FGF14: variants seen among roughly 807,000 people sequenced by gnomAD.
FGF14 encodes fibroblast growth factor 14.
A neutral mutation model predicts 25.5 loss-of-function variants in FGF14; 5 were observed. The ratio of observed to expected loss-of-function variants is 0.20; its 90% CI spans 0.10 to 0.41. The LOEUF (loss-of-function observed/expected upper bound fraction) is 0.41. Ranked by LOEUF, FGF14 falls within the 10% of genes least tolerant of loss-of-function variation. The probability of loss-of-function intolerance (pLI) is 1.00; values close to 1 mark genes in which losing one functional copy is unlikely to be tolerated. For missense variants in FGF14, 222 were observed against 320.1 expected, an observed-to-expected ratio of 0.69 and a Z score of 2.34; for synonymous variants, 138 against 118.3, an observed-to-expected ratio of 1.17 and a Z score of -1.08.
intron 1 of FGF14, among the ~76,000 whole-genome samples, chr13:102,016,288 T>C (rs868342362): frequency 1.3e-5 from 2 of 152,280 alleles, no homozygotes; most frequent in Middle Eastern, 3.4e-3. Context: ...ATATGTATTA[T>C]AAATTTTAAC....
chr13:101,804,280 G>T (rs1253128946), intron 3 of FGF14, among the ~76,000 whole-genome samples: 1 of 152,150 alleles, frequency 6.6e-6, no homozygotes, highest in East Asian at 1.9e-4. Context: ...GTGGGTCCCA[G>T]AGTAGATAGA....
At chr13:102,295,783 A>C (rs1594763562) in intron 1 of FGF14, among the ~76,000 whole-genome samples, 1 of 152,158 alleles carries the variant, frequency 6.6e-6, no homozygotes, top group African/African-American at 2.4e-5. Context: ...GGCAGCGACC[A>C]AGAAAATGAC....
At chr13:101,804,157 G>T (rs2041063886) in intron 3 of FGF14, among the ~76,000 whole-genome samples, 1 of 152,164 alleles carries the variant, frequency 6.6e-6, no homozygotes. Flanking sequence ...TTCAAAGTTA[G>T]ATGCGATGAG....
At chr13:102,080,755 G>A (rs930592925) in intron 1 of FGF14, among the ~76,000 whole-genome samples, 1 of 152,230 alleles carries the variant, frequency 6.6e-6, no homozygotes, top group Non-Finnish European at 1.5e-5. Flanking sequence ...CTGGGCTCCA[G>A]AAGAGTTCAT....
At chr13:101,997,401 C>T (rs1323599957) in intron 1 of FGF14, among the ~76,000 whole-genome samples, 1 of 152,144 alleles carries the variant, frequency 6.6e-6, no homozygotes, top group African/African-American at 2.4e-5. Context: ...AATCACAAGA[C>T]AACTATGTCC....
chr13:102,278,627 A>AATATATATATATATATATATAT (rs10578533), intron 1 of FGF14, among the ~76,000 whole-genome samples: 149 of 147,486 alleles, frequency 1.0e-3, no homozygotes, highest in African/African-American at 1.9e-3. Flanking sequence ...CATTTTATGT[A>AATATATATATATATATATATAT]ATATATATAT....
At chr13:101,822,687 G>T (rs1049775487) in intron 3 of FGF14, among the ~76,000 whole-genome samples, 2 of 152,008 alleles carry the variant, frequency 1.3e-5, no homozygotes, top group South Asian at 4.2e-4. Flanking sequence ...AGGGCCAATT[G>T]GAATATTCAT....
At chr13:101,734,589 T>C (rs919089338) in intron 3 of FGF14, among the ~76,000 whole-genome samples, 4 of 152,160 alleles carry the variant, frequency 2.6e-5, no homozygotes, top group Non-Finnish European at 4.4e-5. Context: ...CCATATATCA[T>C]TTTTACACAT....
intron 1 of FGF14, among the ~76,000 whole-genome samples, chr13:102,324,020 C>T (rs1469608505): frequency 1.4e-5 from 2 of 144,474 alleles, no homozygotes; most frequent in African/African-American, 5.1e-5. Flanking sequence ...TGTACATGTG[C>T]TGTTGTATGT....
chr13:101,935,223 T>C (rs2139272168), intron 1 of FGF14, among the ~76,000 whole-genome samples: 1 of 152,340 alleles, frequency 6.6e-6, no homozygotes, highest in East Asian at 1.9e-4. Context: ...GTGAGAGCAG[T>C]ATCCTCCTTT....
intron 1 of FGF14, among the ~76,000 whole-genome samples, chr13:102,311,970 T>C (rs1323034468): frequency 6.6e-6 from 1 of 152,178 alleles, no homozygotes; most frequent in Non-Finnish European, 1.5e-5. Context: ...GCCCACACAT[T>C]TTAATGTTTC....
chr13:101,885,299 G>A (rs1008827013), intron 1 of FGF14, among the ~76,000 whole-genome samples: 1 of 152,054 alleles, frequency 6.6e-6, no homozygotes, highest in South Asian at 2.1e-4. Context: ...CATAGTCATA[G>A]TGTCCTAATT....
At chr13:102,036,728 C>A (rs570245440) in intron 1 of FGF14, among the ~76,000 whole-genome samples, 18 of 152,136 alleles carry the variant, frequency 1.2e-4, no homozygotes, top group African/African-American at 4.3e-4. Flanking sequence ...AGAAGAACAA[C>A]AACAACAACA....
upstream of FGF14, among the ~76,000 whole-genome samples, chr13:101,916,988 G>A (rs1345159505): frequency 1.3e-5 from 2 of 151,720 alleles, no homozygotes; most frequent in South Asian, 2.1e-4. Flanking sequence ...CCCGGCGGGG[G>A]TCGCCACCGC....
At chr13:102,059,551 A>C (rs972199559) in intron 1 of FGF14, among the ~76,000 whole-genome samples, 1 of 152,254 alleles carries the variant, frequency 6.6e-6, no homozygotes, top group African/African-American at 2.4e-5. Flanking sequence ...GAGCTAGGCC[A>C]GAATAATAAA....
At chr13:101,838,057 T>A (rs958201786) in intron 3 of FGF14, among the ~76,000 whole-genome samples, 1 of 151,954 alleles carries the variant, frequency 6.6e-6, no homozygotes, top group African/African-American at 2.4e-5. Context: ...AGCTTTGGGA[T>A]TCGGACTGGC....
At chr13:101,885,296 A>C (rs1034643935) in intron 1 of FGF14, among the ~76,000 whole-genome samples, 3 of 152,098 alleles carry the variant, frequency 2.0e-5, no homozygotes, top group Non-Finnish European at 4.4e-5. Context: ...TTACATAGTC[A>C]TAGTGTCCTA....
chr13:102,212,859 G>C (rs147290973), intron 1 of FGF14, among the ~76,000 whole-genome samples: 1 of 152,256 alleles, frequency 6.6e-6, no homozygotes, highest in Non-Finnish European at 1.5e-5. Context: ...TGCTCCGTAG[G>C]AGTCTATTGT....
In FGF14 at chr13:102,285,498, G is replaced by A. The variant is rs1176239303; in HGVS notation, c.208+115973C>T. Among the ~76,000 whole-genome samples, 6 of 152,106 alleles carry A rather than the reference G, an allele frequency of 3.9e-5. 1 individual carries two copies. The highest frequency in any genetic ancestry group is 1.4e-4 in the African/African-American group (6 of 41,422). On this transcript the variant is annotated intron_variant, in intron 1 of 4. Transcript: ENST00000376131. Reference sequence around the variant, plus strand: ...TCAATAACCTGGAAGGTTACACTAAGAGTTAATACCACACAATCTCTGCCC... The same window carrying A: ...TCAATAACCTGGAAGGTTACACTAAAAGTTAATACCACACAATCTCTGCCC...
Sources: allele counts gnomAD v4.1 joint callset (sites outside exome capture counted in the v4.1 genomes callset), GRCh38; gene constraint gnomAD v4.1.1; transcripts MANE v1.5; gene names NCBI Gene and HGNC (gene_info 2026-07-23, HGNC 2026-07-21).